Variants in CACNA2D1 observed in about 807,000 individuals in gnomAD.
The protein encoded by CACNA2D1 is calcium voltage-gated channel auxiliary subunit alpha2delta 1.
In CACNA2D1, 53 loss-of-function variants were observed where a neutral mutation model predicts 171.5. That is an observed-to-expected ratio of 0.31 (90% CI 0.25 to 0.39). CACNA2D1 has a LOEUF of 0.39. Among genes scored for constraint, CACNA2D1 ranks in the 10% least tolerant of loss-of-function variants. The pLI is 1.00. For missense variants in CACNA2D1, 903 were observed against 1,299.8 expected, an observed-to-expected ratio of 0.69 and a Z score of 4.69; for synonymous variants, 442 against 443.1, an observed-to-expected ratio of 1.00 and a Z score of 0.03.
In CACNA2D1 at chr7:82,105,984, C is replaced by T. The variant is rs139479681; in HGVS notation, c.526+11060G>A. Among the ~76,000 whole-genome samples, 624 of 152,158 alleles carry T rather than the reference C, an allele frequency of 4.1e-3. 3 individuals are homozygous for T. The highest frequency in any genetic ancestry group is 0.014 in the African/African-American group (577 of 41,518). On this transcript the variant is annotated intron_variant, in intron 6 of 38. Transcript: ENST00000356860. Reference sequence around the variant, plus strand: ...CTCAGGTAGTATTTTTTTAAAATAACATTATTCATTAAACTAAAATTTACA... The same window carrying T: ...CTCAGGTAGTATTTTTTTAAAATAATATTATTCATTAAACTAAAATTTACA...
chr7:81,974,917 C>T lies in CACNA2D1; in HGVS notation c.1956-365G>A, dbSNP rs146472193. ...CATTAGGACAAAAACCTAATGCATG[C>T]GGGGTTTAAAACCTAGATGACAAGT... is the stretch of plus-strand genomic sequence containing the variant. On this transcript the variant is annotated intron_variant, in intron 24 of 38. Coordinates refer to ENST00000356860, the MANE Select transcript of CACNA2D1 (RefSeq NM_000722.4). 5.9e-5 allele frequency among the ~76,000 whole-genome samples: 9 copies of T among 151,598 alleles called. No individual in the cohort carries two copies. In the East Asian group the frequency reaches 1.2e-3, roughly 20 times the overall value.
chr7:82,386,794 TTA>T lies in CACNA2D1; in HGVS notation c.96-37147_96-37146del, dbSNP rs199985464. ...AATAAATAAATAAAATAACTAATAC[TTA>T]GCAAAAACACACAGTGCAAATATAA... On this transcript the variant is annotated intron_variant, in intron 1 of 38. Coordinates refer to ENST00000356860, the MANE Select transcript of CACNA2D1 (RefSeq NM_000722.4). 2.1e-3 allele frequency among the ~76,000 whole-genome samples: 320 copies of T among 150,976 alleles called. 2 individuals are homozygous for T. The highest frequency in any genetic ancestry group is 0.011 in the East Asian group (58 of 5,144).
At chr7:82,437,500 A>G (rs916670721) in intron 1 of CACNA2D1, among the ~76,000 whole-genome samples, 3 of 152,160 alleles carry the variant, frequency 2.0e-5, no homozygotes, top group Non-Finnish European at 4.4e-5. Flanking sequence ...CACAGAGCAT[A>G]TGGTTAAAAA....
rs1174278503 is a variant in CACNA2D1 at position 82,137,707 on chromosome 7, T to TAAAAAAAAAAAAAAAAAAAAAAAAAAAA, written c.355-1032_355-1031insTTTTTTTTTTTTTTTTTTTTTTTTTTTT. ...TAATACAGTGAAACTCCGTCTCTACTAAAAAAAAAAAAAAAAAAAAAAATT... is the reference window on the plus strand; with the variant it reads ...TAATACAGTGAAACTCCGTCTCTACTAAAAAAAAAAAAAAAAAAAAAAAAAAAAAAAAAAAAAAAAAAAAAAAAAAATT... On this transcript the variant is annotated intron_variant, in intron 4 of 38. Coordinates refer to ENST00000356860, the MANE Select transcript of CACNA2D1 (RefSeq NM_000722.4). Among the ~76,000 whole-genome samples, 8 of 78,828 alleles carry TAAAAAAAAAAAAAAAAAAAAAAAAAAAA rather than the reference T, an allele frequency of 1.0e-4. 1 individual carries two copies. Among genetic ancestry groups the TAAAAAAAAAAAAAAAAAAAAAAAAAAAA allele is most frequent in the Admixed American group, 2.8e-4 (2 of 7,136 alleles). 51.7% of individuals were successfully genotyped at this position (78,828 alleles called of 152,430 possible).
intron 3 of CACNA2D1, among the ~76,000 whole-genome samples, chr7:82,301,201 A>G (rs1054568331): frequency 6.6e-6 from 1 of 152,204 alleles, no homozygotes; most frequent in African/African-American, 2.4e-5. Flanking sequence ...ACCTCAGCTC[A>G]CCGCAAACTC....
chr7:82,194,117 T>A (rs931741205), intron 3 of CACNA2D1, among the ~76,000 whole-genome samples: 1 of 152,054 alleles, frequency 6.6e-6, no homozygotes, highest in Non-Finnish European at 1.5e-5. Context: ...GATTTCAAAG[T>A]AGCTGCTAAA....
chr7:82,098,079 G>A (rs1478194160), intron 6 of CACNA2D1, among the ~76,000 whole-genome samples: 3 of 152,094 alleles, frequency 2.0e-5, no homozygotes, highest in African/African-American at 4.8e-5. Flanking sequence ...GCAATGAGCC[G>A]AGATTGCACA....
chr7:82,238,561 A>G (rs1296878176), intron 3 of CACNA2D1, among the ~76,000 whole-genome samples: 1 of 152,078 alleles, frequency 6.6e-6, no homozygotes, highest in Non-Finnish European at 1.5e-5. Context: ...ATTACAAGTC[A>G]AACAATAACA....
At chr7:82,332,598 T>C (rs1308297849) in intron 3 of CACNA2D1, among the ~76,000 whole-genome samples, 1 of 143,164 alleles carries the variant, frequency 7.0e-6, no homozygotes, top group Non-Finnish European at 1.6e-5. Context: ...GGTCAAGATA[T>C]TTATAAAAGA....
chr7:82,443,229 C>A (rs1225981451), intron 1 of CACNA2D1, 136 bp downstream of exon 1: 5 of 779,436 alleles, frequency 6.4e-6, no homozygotes, highest in Non-Finnish European at 9.4e-6. Flanking sequence ...GGCGTCTCCG[C>A]ATCCGAGCCT....
intron 2 of CACNA2D1, among the ~76,000 whole-genome samples, chr7:82,344,675 T>C (rs911780057): frequency 3.3e-5 from 5 of 152,166 alleles, no homozygotes; most frequent in African/African-American, 4.8e-5. Context: ...GCATTCTTTA[T>C]AGTGCTATAT....
intron 1 of CACNA2D1, among the ~76,000 whole-genome samples, chr7:82,388,702 G>A (rs1056734180): frequency 4.6e-5 from 7 of 152,188 alleles, no homozygotes; most frequent in East Asian, 1.9e-4. Flanking sequence ...TTCTGCAGAC[G>A]AGAAAAGAAT....
In CACNA2D1 at chr7:82,139,352, TA is replaced by T. The variant is rs1563104874; in HGVS notation, c.355-2677del. Among the ~76,000 whole-genome samples the T allele has an allele frequency of 2.6e-5, 4 of 152,182 alleles. No individual in the cohort carries two copies. The South Asian group carries it at 6.2e-4, about 24-fold the overall frequency. On this transcript the variant is annotated intron_variant, in intron 4 of 38. Coordinates refer to ENST00000356860, the MANE Select transcript of CACNA2D1 (RefSeq NM_000722.4). ...TTTAAGTGCCAGTATTGATATAAACTAAGTATTTTGATCCTGTTAAGAGCTA... is the reference window on the plus strand; with the variant it reads ...TTTAAGTGCCAGTATTGATATAAACTAGTATTTTGATCCTGTTAAGAGCTA...
intron 1 of CACNA2D1, chr7:82,410,515 A>G: frequency 2.0e-6 from 2 of 985,398 alleles, no homozygotes; most frequent in South Asian, 9.4e-5. Context: ...TCATGAGCTC[A>G]GTGGTCTGAA....
At chr7:82,357,263 CG>C (rs1820536210) in intron 1 of CACNA2D1, among the ~76,000 whole-genome samples, 1 of 151,656 alleles carries the variant, frequency 6.6e-6, no homozygotes, top group African/African-American at 2.4e-5. Flanking sequence ...ATTTTCAAAA[CG>C]AAAAAAATAT....
chr7:82,026,091 A>G (rs1474357492), intron 12 of CACNA2D1, among the ~76,000 whole-genome samples: 2 of 149,836 alleles, frequency 1.3e-5, no homozygotes, highest in South Asian at 2.1e-4. Context: ...TCTGATATAA[A>G]TGTAGCTATC....
chr7:82,145,086 C>G (rs1228225897), intron 4 of CACNA2D1, among the ~76,000 whole-genome samples: 2 of 151,294 alleles, frequency 1.3e-5, no homozygotes, highest in African/African-American at 4.8e-5. Context: ...TTCTCAATGT[C>G]ATTTTATGTA....
At chr7:82,117,752 G>T (rs1160467945) in intron 5 of CACNA2D1, among the ~76,000 whole-genome samples, 3 of 152,124 alleles carry the variant, frequency 2.0e-5, no homozygotes, top group African/African-American at 7.2e-5. Context: ...CCACACTCTA[G>T]CCTGGGCAAC....
chr7:82,013,364 T>A (rs963125057), intron 14 of CACNA2D1, 97 bp downstream of exon 14: 2 of 414,622 alleles, frequency 4.8e-6, no homozygotes, highest in Non-Finnish European at 7.9e-6. Context: ...ATAGATCTTT[T>A]CATTCTTGCT....
Sources: allele counts gnomAD v4.1 joint callset (sites outside exome capture counted in the v4.1 genomes callset), GRCh38; gene constraint gnomAD v4.1.1; transcripts MANE v1.5; gene names NCBI Gene and HGNC (gene_info 2026-07-23, HGNC 2026-07-21).